Variants in FGD5 observed in about 807,000 individuals in gnomAD.
FGD5 encodes FYVE, RhoGEF and PH domain-containing protein 5.
A neutral mutation model predicts 133.4 loss-of-function variants in FGD5; 28 were observed. That is an observed-to-expected ratio of 0.21 (90% CI 0.16 to 0.29). The LOEUF is 0.29. Among genes scored for constraint, FGD5 ranks in the 10% least tolerant of loss-of-function variants. The pLI is 1.00. For synonymous variants in FGD5, 810 were observed against 776.5 expected, an observed-to-expected ratio of 1.04 and a Z score of -0.72; for missense variants, 1,858 against 1,895.2, an observed-to-expected ratio of 0.98 and a Z score of 0.36.
chr3:14,881,027 A>G (rs1322969186), intron 4 of FGD5, among the ~76,000 whole-genome samples: 1 of 152,018 alleles, frequency 6.6e-6, no homozygotes, highest in Non-Finnish European at 1.5e-5. Flanking sequence ...AGGTTGTTTG[A>G]GGTTTCCTTA....
rs747187088 is a variant in FGD5 at position 14,864,124 on chromosome 3, C to G, written c.2526-4C>G. On this transcript the variant is annotated splice_polypyrimidine_tract_variant and splice_region_variant and intron_variant, in intron 1 of 19. Coordinates refer to ENST00000285046, the MANE Select transcript of FGD5 (RefSeq NM_152536.4). ...TAACCCTTCTTTCCCCTGCTTTGAC[C>G]CAGCGCCTACACAGAGCCCTACAAA... The G allele has an allele frequency of 6.2e-7, 1 of 1,610,868 alleles. No homozygotes were observed. Among genetic ancestry groups the G allele is most frequent in the Admixed American group, 1.7e-5 (1 of 59,940 alleles).
At position 14,932,689 on chromosome 3, in the gene FGD5, T is replaced by C; in HGVS notation, c.4310T>C (p.Leu1437Pro). Residue 1437 changes from leucine (L) to proline (P), a missense_variant, in exon 19 of 20, where the codon CTA (leucine) becomes CCA (proline). Leu to Pro is a moderately conservative substitution (Grantham distance 98). Transcript: ENST00000285046. ...PIFHLYHKKT[L>P]FYSFKAEDTN... is the part of the protein sequence containing the mutation. ...TTTCACCTTTACCACAAGAAAACCCTATTTTATAGCTTCAAAGCAGAAGAT... is the reference window on the plus strand; with the variant it reads ...TTTCACCTTTACCACAAGAAAACCCCATTTTATAGCTTCAAAGCAGAAGAT... 6.2e-7 allele frequency: 1 copy of C among 1,614,020 alleles called. No individual in the cohort carries two copies. Among genetic ancestry groups the C allele is most frequent in the Non-Finnish European group, 8.5e-7 (1 of 1,179,886 alleles).
At chr3:14,900,263 G>A (rs1249974925) in intron 7 of FGD5, 140 bp from the exon 8 acceptor site, 8 of 778,366 alleles carry the variant, frequency 1.0e-5, no homozygotes, top group Non-Finnish European at 1.5e-5. Flanking sequence ...TGCTAATGTG[G>A]TATTGTGATG....
intron 1 of FGD5, among the ~76,000 whole-genome samples, chr3:14,848,017 A>C (rs2037083500): frequency 6.6e-6 from 1 of 152,180 alleles, no homozygotes; most frequent in South Asian, 2.1e-4. Context: ...CGGGCCAGCC[A>C]TTGTTGCCGG....
intron 11 of FGD5, among the ~76,000 whole-genome samples, chr3:14,912,978 G>A (rs2038479870): frequency 1.3e-5 from 2 of 152,256 alleles, no homozygotes; most frequent in African/African-American, 4.8e-5. Flanking sequence ...GGGGGTTGCA[G>A]TGAGCTCAGA....
chr3:14,889,449 T>C (rs2037985307), intron 4 of FGD5, among the ~76,000 whole-genome samples: 1 of 152,152 alleles, frequency 6.6e-6, no homozygotes, highest in South Asian at 2.1e-4. Flanking sequence ...TAGCCTATAG[T>C]CGGGTTGTCT....
chr3:14,863,417 C>T lies in FGD5; in HGVS notation c.2526-711C>T, dbSNP rs577138507. Among the ~76,000 whole-genome samples, 10 of 152,336 alleles carry T rather than the reference C, an allele frequency of 6.6e-5. No individual in the cohort carries two copies. The East Asian group carries it at 1.9e-3, about 29-fold the overall frequency. The stretch of plus-strand genomic sequence containing the variant: ...TTGAGGACAGGGACCATGTCTGCTT[C>T]ACTCACCAGTGTTTTACTCGATGCC... On this transcript the variant is annotated intron_variant, in intron 1 of 19. Transcript: ENST00000285046.
intron 4 of FGD5, among the ~76,000 whole-genome samples, chr3:14,884,657 G>T (rs769187865): frequency 6.6e-6 from 1 of 152,160 alleles, no homozygotes; most frequent in South Asian, 2.1e-4. Context: ...TTTCGACAGG[G>T]CACGGTGGTG....
At chr3:14,885,273 T>C (rs568610057) in intron 4 of FGD5, among the ~76,000 whole-genome samples, 13 of 151,656 alleles carry the variant, frequency 8.6e-5, no homozygotes, top group African/African-American at 3.1e-4. Flanking sequence ...GCCCTCTGTA[T>C]TTATTAGGCA....
intron 4 of FGD5, among the ~76,000 whole-genome samples, chr3:14,887,953 G>T (rs893109514): frequency 1.3e-5 from 2 of 151,778 alleles, no homozygotes; most frequent in South Asian, 4.2e-4. Flanking sequence ...ATTGTTTAAG[G>T]CCAGGAGTTT....
upstream of FGD5, among the ~76,000 whole-genome samples, chr3:14,817,833 A>T (rs1281890242): frequency 6.6e-6 from 1 of 152,202 alleles, no homozygotes; most frequent in Non-Finnish European, 1.5e-5. Flanking sequence ...TCCATGCAGT[A>T]CTTTTGAAGC....
intron 4 of FGD5, chr3:14,897,230 G>A (rs1055531059): frequency 2.5e-6 from 1 of 393,968 alleles, no homozygotes; most frequent in Non-Finnish European, 4.5e-6. Context: ...TCACCACGTG[G>A]CCACAACGAG....
intron 8 of FGD5, 116 bp downstream of exon 8, chr3:14,900,569 G>A: frequency 8.2e-7 from 1 of 1,215,000 alleles, no homozygotes; most frequent in Admixed American, 2.0e-5. Context: ...CCCACCAGCT[G>A]GGTGGGTTCT....
chr3:14,912,573 T>A (rs1472001568), intron 11 of FGD5, among the ~76,000 whole-genome samples: 1 of 152,148 alleles, frequency 6.6e-6, no homozygotes, highest in Non-Finnish European at 1.5e-5. Flanking sequence ...ACCTCCAGTG[T>A]TGGGGAGCTC....
intron 17 of FGD5, among the ~76,000 whole-genome samples, chr3:14,925,209 C>T (rs1185013605): frequency 1.3e-5 from 2 of 151,562 alleles, no homozygotes; most frequent in Non-Finnish European, 2.9e-5. Context: ...TCCTTCCCAG[C>T]CTCCCTCAAT....
chr3:14,819,773 T>G lies in FGD5; in HGVS notation c.702T>G (p.Gly234=), dbSNP rs1281235814. 6.4e-7 allele frequency: 1 copy of G among 1,550,586 alleles called. No individual in the cohort carries two copies. Among genetic ancestry groups the G allele is most frequent in the Non-Finnish European group, 8.7e-7 (1 of 1,147,616 alleles). Reference sequence around the variant, plus strand: ...CAGCAGGGGCAGATGAGGGTTCGGGTCCTGACAGGCCCACGGAGGACATGG... The same window carrying G: ...CAGCAGGGGCAGATGAGGGTTCGGGGCCTGACAGGCCCACGGAGGACATGG... ...TDPAGADEGS[G]PDRPTEDMGQ... The change falls in exon 1 of 20, where the codon GGT becomes GGG. Residue 234 remains glycine, a synonymous_variant. Coordinates refer to ENST00000285046, the MANE Select transcript of FGD5 (RefSeq NM_152536.4). The surrounding 1 kb of genome is among the most constrained non-coding windows in gnomAD (Gnocchi z 4.1).
At chr3:14,833,465 G>T (rs929190877) in intron 1 of FGD5, among the ~76,000 whole-genome samples, 9 of 152,168 alleles carry the variant, frequency 5.9e-5, no homozygotes, top group African/African-American at 2.2e-4. Flanking sequence ...CTCTGATACA[G>T]TGAGACTTTC....
At chr3:14,932,423 A>C in intron 18 of FGD5, 154 bp from the exon 19 acceptor site, 36 of 689,820 alleles carry the variant, frequency 5.2e-5, no homozygotes, top group East Asian at 1.0e-4. Context: ...CTCTGGGGGG[A>C]AGCGAGGGTC....
At chr3:14,924,863 AG>A (rs2038765072) in intron 17 of FGD5, among the ~76,000 whole-genome samples, 2 of 152,140 alleles carry the variant, frequency 1.3e-5, no homozygotes, top group African/African-American at 4.8e-5. Context: ...GCACTTTGGG[AG>A]GCTGAGGTGG....
Sources: allele counts gnomAD v4.1 joint callset (sites outside exome capture counted in the v4.1 genomes callset), GRCh38; gene constraint gnomAD v4.1.1; non-coding constraint Gnocchi (gnomAD v3.1); transcripts MANE v1.5; gene names NCBI Gene and HGNC (gene_info 2026-07-23, HGNC 2026-07-21).